APPL2: variants seen among roughly 807,000 people sequenced by gnomAD.
APPL2 encodes DCC-interacting protein 13-beta.
Under a neutral mutation model 92.7 loss-of-function variants are expected in APPL2, and 84 were observed. That is an observed-to-expected ratio of 0.91 (90% confidence interval 0.76 to 1.09). The LOEUF is 1.09. Ranked by LOEUF, APPL2 falls within the 50% of genes least tolerant of loss-of-function variation. The pLI is 0.00. For missense variants in APPL2, 736 were observed against 824.5 expected (o/e 0.89, Z 1.31); for synonymous variants, 291 against 291.0 (o/e 1.00, Z 0.00).
rs1566058417 is a variant in APPL2 at position 105,188,263 on chromosome 12, C to T, written c.1634+10G>A. 6.2e-7 allele frequency: 1 copy of T among 1,613,368 alleles called. No homozygotes were observed. Among genetic ancestry groups the T allele is most frequent in the Admixed American group, 1.7e-5 (1 of 59,964 alleles). Reference sequence around the variant, plus strand: ...GCCATAAGAAAGTCTGAAAATAAAACTGAACGTACCTCAAAGATTGACTGG... The same window carrying T: ...GCCATAAGAAAGTCTGAAAATAAAATTGAACGTACCTCAAAGATTGACTGG... On this transcript the variant is annotated intron_variant, in intron 17 of 20. Transcript: ENST00000258530.
chr12:105,192,829 A>G (rs1219290766), intron 14 of APPL2, among the ~76,000 whole-genome samples: 1 of 152,122 alleles, frequency 6.6e-6, no homozygotes, highest in African/African-American at 2.4e-5. Context: ...AGATACTCAA[A>G]TATTTGTTGA....
chr12:105,213,729 A>G (rs1889406763), intron 4 of APPL2, among the ~76,000 whole-genome samples: 1 of 152,118 alleles, frequency 6.6e-6, no homozygotes, highest in Admixed American at 6.5e-5. Flanking sequence ...AATTTTTTCA[A>G]CCTGGTTTAG....
rs752243546 is a variant in APPL2, at chr12:105,174,371, T to G, written c.1938A>C (p.Gln646His). The change falls in exon 21 of 21, where the codon CAA (glutamine) becomes CAC (histidine). Residue 646 changes from glutamine to histidine, a missense_variant. Transcript: ENST00000258530. Reference sequence around the variant, plus strand: ...TTGGATTTCCATCATCGTCATCTGGTTGATCGTTTAACAGTACATATTTTC... The same window carrying G: ...TTGGATTTCCATCATCGTCATCTGGGTGATCGTTTAACAGTACATATTTTC... ...NDGKYVLLND[Q>H]PDDDDGNPNE... 1 of 1,614,076 alleles carries G rather than the reference T, an allele frequency of 6.2e-7. No homozygotes were observed. Among genetic ancestry groups the G allele is most frequent in the Non-Finnish European group, 8.5e-7 (1 of 1,179,928 alleles).
chr12:105,187,875 T>TTAA (rs1886865977), intron 17 of APPL2, among the ~76,000 whole-genome samples: 1 of 152,186 alleles, frequency 6.6e-6, no homozygotes, highest in African/African-American at 2.4e-5. Flanking sequence ...AATCATGTAG[T>TTAA]TAATATGGCC....
At chr12:105,189,678 C>T (rs1887024319) in intron 16 of APPL2, 94 bp downstream of exon 16, 5 of 1,350,212 alleles carry the variant, frequency 3.7e-6, no homozygotes, top group Admixed American at 1.7e-5. Flanking sequence ...TACTCCTAAT[C>T]ATAGCTCTCT....
At chr12:105,183,483 C>G (rs1162229911) in intron 17 of APPL2, among the ~76,000 whole-genome samples, 1 of 152,134 alleles carries the variant, frequency 6.6e-6, no homozygotes, top group Non-Finnish European at 1.5e-5. Context: ...ATTTGCTTGT[C>G]TGTAAAGGAT....
rs1887538938 is a variant in APPL2, at chr12:105,195,266, G to T, written c.1236C>A (p.Cys412Ter). ...TTTCTTTGTCCTTTAGTTACCTGGG[G>T]CATGAGCTTTCTTGTTTTTTTCCAA... ...TSFGKKQESSCPSQNLKNSEM... is the reference protein window; with the variant it reads ...TSFGKKQESS Residue 412 changes from cysteine (C) to a stop codon, truncating the protein, a stop_gained, in exon 14 of 21, where the codon TGC becomes TGA. Transcript: ENST00000258530. LOFTEE classifies it high-confidence loss of function. The T allele has an allele frequency of 1.2e-6, 2 of 1,614,008 alleles. No homozygotes were observed. Among genetic ancestry groups the T allele is most frequent in the Non-Finnish European group, 1.7e-6 (2 of 1,179,994 alleles).
intron 20 of APPL2, among the ~76,000 whole-genome samples, chr12:105,175,393 C>T (rs948745483): frequency 1.3e-5 from 2 of 152,194 alleles, no homozygotes; most frequent in Admixed American, 6.5e-5. Flanking sequence ...TAGCCACTGG[C>T]TACATGTTAC....
In APPL2 at chr12:105,186,153, C is replaced by T. The variant is rs918415840; in HGVS notation, c.1634+2120G>A. On this transcript the variant is annotated intron_variant, in intron 17 of 20. Transcript: ENST00000258530. ...AATAGTATTCCATCATATATATATA[C>T]AGGTTGAGTATCCTGTATCTGAAAT... is the stretch of plus-strand genomic sequence containing the variant. Among the ~76,000 whole-genome samples the T allele has an allele frequency of 5.3e-5, 8 of 152,118 alleles. No homozygotes were observed. In the East Asian group the frequency reaches 9.6e-4, roughly 18 times the overall value.
chr12:105,176,280 G>A (rs769229661), intron 19 of APPL2, 198 bp from the exon 20 acceptor site: 4 of 555,196 alleles, frequency 7.2e-6, no homozygotes, highest in Non-Finnish European at 1.2e-5. Flanking sequence ...GCCAATTTAT[G>A]CCACACAAAA....
At position 105,199,451 on chromosome 12, in the gene APPL2, T is replaced by C. The variant is rs1239100700; in HGVS notation, c.785A>G (p.Tyr262Cys). 1.9e-6 allele frequency: 3 copies of C among 1,614,082 alleles called. No homozygotes were observed. Among genetic ancestry groups the C allele is most frequent in the Admixed American group, 3.3e-5 (2 of 60,018 alleles). The change falls in exon 10 of 21, where the codon TAC becomes TGC. Residue 262 changes from tyrosine (Y) to cysteine (C), a missense_variant. Physicochemically the swap from Tyr to Cys is radical, Grantham distance 194. Transcript: ENST00000258530. ...TGCGGCCACATCAGAGTCTGGAGTG[T>C]AAACAGATTCATCAACAGAAAGTAA... ...QELLSVDESV[Y>C]TPDSDVAAPQ...
chr12:105,191,594 G>A (rs1189482908), intron 14 of APPL2, among the ~76,000 whole-genome samples: 2 of 152,268 alleles, frequency 1.3e-5, no homozygotes, highest in East Asian at 1.9e-4. Context: ...GTCAGGTGGG[G>A]TCTGAACTTG....
At chr12:105,208,447 G>GGA (rs1566081429) in intron 5 of APPL2, among the ~76,000 whole-genome samples, 1 of 152,186 alleles carries the variant, frequency 6.6e-6, no homozygotes, top group African/African-American at 2.4e-5. Flanking sequence ...ATAGCGCTGA[G>GGA]GGTCTGTGAG....
chr12:105,227,423 A>C (rs1890595045), intron 2 of APPL2, among the ~76,000 whole-genome samples: 1 of 152,188 alleles, frequency 6.6e-6, no homozygotes, highest in South Asian at 2.1e-4. Flanking sequence ...AACTCCTCAA[A>C]ATCAGTGTTT....
In APPL2 at chr12:105,176,258, C is replaced by G. The variant is rs142045832; in HGVS notation, c.1813-176G>C. ...CCCGGGGCATTTGCGTCCAACTGTCCTGACCTCTGTTGCCAATTTATGCCA... is the reference window on the plus strand; with the variant it reads ...CCCGGGGCATTTGCGTCCAACTGTCGTGACCTCTGTTGCCAATTTATGCCA... On this transcript the variant is annotated intron_variant, in intron 19 of 20. Transcript: ENST00000258530. 1,366 of 585,100 alleles carry G rather than the reference C, an allele frequency of 2.3e-3. 4 individuals carry two copies. Among genetic ancestry groups the G allele is most frequent in the Non-Finnish European group, 3.4e-3 (1,151 of 337,646 alleles). The allele number at this position is 585,100 out of a possible 1,614,324, so 36.2% of individuals were successfully genotyped here.
intron 14 of APPL2, among the ~76,000 whole-genome samples, chr12:105,193,756 G>C (rs1298187141): frequency 6.6e-6 from 1 of 152,032 alleles, no homozygotes; most frequent in Non-Finnish European, 1.5e-5. Context: ...CTCATGTTCT[G>C]CTTCACAGCT....
intron 17 of APPL2, among the ~76,000 whole-genome samples, chr12:105,184,308 A>G (rs970697280): frequency 2.6e-5 from 4 of 152,148 alleles, no homozygotes; most frequent in African/African-American, 9.7e-5. Context: ...CTTGCTGGCA[A>G]TGAGTTGTGA....
At position 105,217,738 on chromosome 12, in the gene APPL2, G is replaced by C; in HGVS notation, c.154-13C>G. ...GGCACATCTCATTCTGTGGAGAGAA[G>C]AGAAAAAGCAAGTAAGATTAGTCCA... On this transcript the variant is annotated splice_polypyrimidine_tract_variant and intron_variant, in intron 2 of 20. Transcript: ENST00000258530. 1 of 1,612,720 alleles carries C rather than the reference G, an allele frequency of 6.2e-7. No homozygotes were observed. The highest frequency in any genetic ancestry group is 8.5e-7 in the Non-Finnish European group (1 of 1,179,710).
At position 105,203,743 on chromosome 12, in the gene APPL2, T is replaced by C. The variant is rs774279076; in HGVS notation, c.664A>G (p.Met222Val). 3.1e-6 allele frequency: 5 copies of C among 1,614,202 alleles called. No individual in the cohort carries two copies. The highest frequency in any genetic ancestry group is 1.6e-4 in the Middle Eastern group (1 of 6,062). Residue 222 changes from methionine (M) to valine (V), a missense_variant, in exon 9 of 21, where the codon ATG becomes GTG. By Grantham distance (21) the Met-to-Val change is conservative (BLOSUM62 1). Transcript: ENST00000258530. ...KKGAEMFSKR[M>V]DSFLSSVADM... ...GCAACGGAGGATAAAAAGCTGTCCATACGTTTGGAAAACATCTCTGCTCCC... is the reference window on the plus strand; with the variant it reads ...GCAACGGAGGATAAAAAGCTGTCCACACGTTTGGAAAACATCTCTGCTCCC...
Sources: allele counts gnomAD v4.1 joint callset (sites outside exome capture counted in the v4.1 genomes callset), GRCh38; gene constraint gnomAD v4.1.1; transcripts MANE v1.5; gene names NCBI Gene and HGNC (gene_info 2026-07-23, HGNC 2026-07-21).